Variants in PLCB1 observed in about 807,000 individuals in gnomAD.
The protein encoded by PLCB1 is 1-phosphatidylinositol 4,5-bisphosphate phosphodiesterase beta-1.
Under a neutral mutation model 161.8 loss-of-function variants are expected in PLCB1, and 46 were observed. That is an observed-to-expected ratio of 0.28 (90% CI 0.22 to 0.36). The LOEUF is 0.36. Among genes scored for constraint, PLCB1 ranks in the 10% least tolerant of loss-of-function variants. The pLI is 1.00. For missense variants in PLCB1, 1,016 were observed against 1,472.5 expected (o/e 0.69, Z 5.07); for synonymous variants, 517 against 503.7 (o/e 1.03, Z -0.35).
chr20:8,353,651 A>C (rs937078918), intron 2 of PLCB1, among the ~76,000 whole-genome samples: 1 of 152,098 alleles, frequency 6.6e-6, no homozygotes, highest in Admixed American at 6.6e-5. Context: ...ATCATGAGAA[A>C]AACATCCTGT....
At chr20:8,224,554 G>T (rs984736413) in intron 2 of PLCB1, among the ~76,000 whole-genome samples, 3 of 152,006 alleles carry the variant, frequency 2.0e-5, no homozygotes, top group Non-Finnish European at 2.9e-5. Context: ...GAATTTAATA[G>T]TAATAGACAC....
At chr20:8,344,909 C>T (rs1985945003) in intron 2 of PLCB1, among the ~76,000 whole-genome samples, 1 of 152,164 alleles carries the variant, frequency 6.6e-6, no homozygotes, top group Admixed American at 6.5e-5. Flanking sequence ...TGAAAGTGAG[C>T]ACAATAGATG....
chr20:8,622,255 G>GAAA (rs564055950), intron 3 of PLCB1, among the ~76,000 whole-genome samples: 1 of 116,532 alleles, frequency 8.6e-6, no homozygotes, highest in Non-Finnish European at 1.8e-5. Context: ...TCTGCCTCAG[G>GAAA]AAAAAAAAAA....
At chr20:8,739,714 C>T (rs562572778) in intron 21 of PLCB1, among the ~76,000 whole-genome samples, 170 of 152,356 alleles carry the variant, frequency 1.1e-3, no homozygotes, top group Non-Finnish European at 1.6e-3. Context: ...CATGCGCTCA[C>T]TCTGGGGTCC....
chr20:8,590,668 A>G (rs1855), intron 3 of PLCB1, among the ~76,000 whole-genome samples: 13,386 of 151,856 alleles, frequency 0.088, 660 homozygotes, highest in South Asian at 0.14. Context: ...AGCTTCATAG[A>G]CCCCTTCCTC....
In PLCB1 at chr20:8,812,024, T is replaced by G. The variant is rs1468550768; in HGVS notation, c.3423+21763T>G. On this transcript the variant is annotated intron_variant, in intron 31 of 31. Coordinates refer to ENST00000338037, the MANE Select transcript of PLCB1 (RefSeq NM_015192.4). The stretch of plus-strand genomic sequence containing the variant: ...ATCCTCATTAGCAAGTGAAAAATTT[T>G]GTAAAACAGGGATTACAAGAGAGGA... Among the ~76,000 whole-genome samples the G allele has an allele frequency of 1.7e-4, 26 of 152,226 alleles. 1 individual carries two copies. The highest frequency in any genetic ancestry group is 3.8e-4 in the Non-Finnish European group (26 of 68,044).
chr20:8,186,942 T>C (rs966425747), intron 2 of PLCB1, among the ~76,000 whole-genome samples: 2 of 152,172 alleles, frequency 1.3e-5, no homozygotes, highest in African/African-American at 4.8e-5. Context: ...TTGGCAGTAG[T>C]CATTGCTGGG....
chr20:8,455,505 A>G lies in PLCB1; in HGVS notation c.246+84055A>G, dbSNP rs187072058. 4.9e-4 allele frequency among the ~76,000 whole-genome samples: 66 copies of G among 134,378 alleles called. 1 individual carries two copies. In the East Asian group the frequency reaches 9.4e-3, roughly 19 times the overall value. The allele number at this position is 134,378 out of a possible 152,430, so 88.2% of individuals were successfully genotyped here. Reference sequence around the variant, plus strand: ...ACCCAGGCTAGAGTGCAGTCTTGCAATCTCGGCTCACTGCAAGCTCCGCCT... The same window carrying G: ...ACCCAGGCTAGAGTGCAGTCTTGCAGTCTCGGCTCACTGCAAGCTCCGCCT... On this transcript the variant is annotated intron_variant, in intron 3 of 31. Coordinates refer to ENST00000338037, the MANE Select transcript of PLCB1 (RefSeq NM_015192.4).
intron 2 of PLCB1, among the ~76,000 whole-genome samples, chr20:8,347,573 A>G (rs1986037568): frequency 6.6e-6 from 1 of 152,228 alleles, no homozygotes; most frequent in Non-Finnish European, 1.5e-5. Context: ...CAACCTATGT[A>G]AGTAATTGAT....
At chr20:8,687,574 G>A (rs77179956) in intron 10 of PLCB1, among the ~76,000 whole-genome samples, 15,612 of 152,120 alleles carry the variant, frequency 0.1, 1,942 homozygotes, top group African/African-American at 0.3. Context: ...ATATCAGAGA[G>A]AACATACGAT....
chr20:8,837,594 T>C (rs916164274), intron 31 of PLCB1, among the ~76,000 whole-genome samples: 4 of 152,200 alleles, frequency 2.6e-5, no homozygotes, highest in Non-Finnish European at 5.9e-5. Context: ...TGAACTTCCC[T>C]TGGTTTAATG....
At chr20:8,693,877 T>C (rs1419633472) in intron 10 of PLCB1, among the ~76,000 whole-genome samples, 1 of 152,190 alleles carries the variant, frequency 6.6e-6, no homozygotes, top group Non-Finnish European at 1.5e-5. Context: ...TGGGGCAGTA[T>C]TATGAATTAC....
In PLCB1 at chr20:8,828,347, G is replaced by A. The variant is rs73605724; in HGVS notation, c.3423+38086G>A. On this transcript the variant is annotated intron_variant, in intron 31 of 31. Transcript: ENST00000338037. The stretch of plus-strand genomic sequence containing the variant: ...GCAAATTAAGTCCTCTCAAAAGTTT[G>A]ACAATATGAAACAAGGAAATTCAGT... Among the ~76,000 whole-genome samples the A allele has an allele frequency of 9.7e-3, 1,481 of 151,964 alleles. 31 individuals are homozygous for A. The highest frequency in any genetic ancestry group is 0.034 in the African/African-American group (1,389 of 41,268).
chr20:8,594,278 C>T (rs372619787), intron 3 of PLCB1, among the ~76,000 whole-genome samples: 1 of 152,132 alleles, frequency 6.6e-6, no homozygotes. Context: ...ATAAAACTCT[C>T]TTGAGAAACT....
chr20:8,810,484 C>T (rs1002638638), intron 31 of PLCB1, among the ~76,000 whole-genome samples: 3 of 152,094 alleles, frequency 2.0e-5, no homozygotes, highest in Non-Finnish European at 2.9e-5. Context: ...TTACAGTTTT[C>T]GCCCTTTCTC....
chr20:8,516,664 CATATATATATATAT>C (rs57237224), intron 3 of PLCB1, among the ~76,000 whole-genome samples: 1,317 of 72,230 alleles, frequency 0.018, 21 homozygotes, highest in African/African-American at 0.032. Flanking sequence ...AATATAACAT[CATATATATATATAT>C]ATATATATAT....
intron 3 of PLCB1, among the ~76,000 whole-genome samples, chr20:8,495,696 C>G (rs1029703324): frequency 1.3e-5 from 2 of 152,148 alleles, no homozygotes; most frequent in South Asian, 4.2e-4. Context: ...CGCGCCTGGC[C>G]GATTTACCTT....
chr20:8,138,703 A>G (rs2051372515), intron 1 of PLCB1, among the ~76,000 whole-genome samples: 1 of 152,202 alleles, frequency 6.6e-6, no homozygotes, highest in Non-Finnish European at 1.5e-5. Flanking sequence ...AAAGCCATTG[A>G]TTTTTGTAAC....
At chr20:8,490,239 C>CA (rs1568696501) in intron 3 of PLCB1, among the ~76,000 whole-genome samples, 3 of 152,036 alleles carry the variant, frequency 2.0e-5, no homozygotes, top group South Asian at 4.2e-4. Flanking sequence ...ATTTCTGAGC[C>CA]AAAAAAATTA....
Sources: gnomAD v4.1 joint callset for allele counts (sites outside exome capture counted in the v4.1 genomes callset) on GRCh38, gnomAD v4.1.1 for gene constraint, MANE v1.5 for transcripts, NCBI Gene and HGNC (gene_info 2026-07-23, HGNC 2026-07-21) for gene names.